The following KCNQ1 variants were observed in gnomAD, a reference collection of about 807,000 sequenced individuals.
KCNQ1 encodes potassium voltage-gated channel subfamily KQT member 1.
KCNQ1 carries 49 observed loss-of-function variants against 72.4 expected under a neutral mutation model. The observed-to-expected ratio is 0.68, with a 90% CI of 0.54 to 0.86. The LOEUF is 0.86. Among genes scored for constraint, KCNQ1 ranks in the 40% least tolerant of loss-of-function variants. The probability of loss-of-function intolerance (pLI) is 0.00; values close to 1 mark genes in which losing one functional copy is unlikely to be tolerated. For synonymous variants in KCNQ1, 450 were observed against 412.6 expected, an observed-to-expected ratio of 1.09 and a Z score of -1.10; for missense variants, 790 against 945.1, an observed-to-expected ratio of 0.84 and a Z score of 2.15.
chr11:2,688,544 G>A, intron 11 of KCNQ1: 1 of 398,746 alleles, frequency 2.5e-6, no homozygotes, highest in African/African-American at 2.1e-5. Flanking sequence ...TGGCCCTAGT[G>A]TCAAGGTTCC....
Position 2,447,776 on chromosome 11 carries a change from T to C in KCNQ1, c.386+2292T>C, listed in dbSNP as rs956717996. 7.2e-5 allele frequency among the ~76,000 whole-genome samples: 11 copies of C among 152,116 alleles called. No individual in the cohort carries two copies. The highest frequency in any genetic ancestry group is 1.5e-4 in the Non-Finnish European group (10 of 67,996). Reference sequence around the variant, plus strand: ...GGCCTGAAGACGACAAGCCTGGCCTTGAAGAGCCAGGGCCCAGGCATGTGT... The same window carrying C: ...GGCCTGAAGACGACAAGCCTGGCCTCGAAGAGCCAGGGCCCAGGCATGTGT... On this transcript the variant is annotated intron_variant, in intron 1 of 15. Coordinates refer to ENST00000155840, the MANE Select transcript of KCNQ1 (RefSeq NM_000218.3). The surrounding 1 kb of genome is among the most constrained non-coding windows in gnomAD (Gnocchi z 7.6).
chr11:2,627,122 C>G lies in KCNQ1; in HGVS notation c.1394-34839C>G, dbSNP rs371328795. ...GCATTGTTTTGTAATTTTCATTGTA[C>G]AAGACTTTCACCTCCTTGGTAAAGT... On this transcript the variant is annotated intron_variant, in intron 10 of 15. Transcript: ENST00000155840. This position sits in a 1 kb window ranked among gnomAD's most constrained non-coding sequence, Gnocchi z 4.9. 2.5e-6 allele frequency: 1 copy of G among 398,418 alleles called. No individual in the cohort carries two copies. Among genetic ancestry groups the G allele is most frequent in the East Asian group, 3.6e-5 (1 of 28,052 alleles). 24.7% of individuals were successfully genotyped at this position (398,418 alleles called of 1,614,324 possible).
At chr11:2,533,050 C>A (rs1457743745) in intron 2 of KCNQ1, among the ~76,000 whole-genome samples, 1 of 152,188 alleles carries the variant, frequency 6.6e-6, no homozygotes, top group Non-Finnish European at 1.5e-5. Context: ...CTTGGGGAAC[C>A]CAGGAGGGGC....
rs1176233326 is a variant in KCNQ1 at position 2,526,423 on chromosome 11, G to C, written c.387-1505G>C. On this transcript the variant is annotated intron_variant, in intron 1 of 15. Transcript: ENST00000155840. The surrounding 1 kb of genome is among the most constrained non-coding windows in gnomAD (Gnocchi z 6.1). ...GGTTTTGGCCCCAGTCCCAGCAGCG[G>C]GACTATGGCTGTGGGGAGGGAGGAA... Among the ~76,000 whole-genome samples, 1 of 152,146 alleles carries C rather than the reference G, an allele frequency of 6.6e-6. No individual in the cohort carries two copies. The highest frequency in any genetic ancestry group is 1.5e-5 in the Non-Finnish European group (1 of 68,016).
chr11:2,581,871 G>A (rs1418824420), intron 6 of KCNQ1, among the ~76,000 whole-genome samples: 1 of 152,332 alleles, frequency 6.6e-6, no homozygotes, highest in South Asian at 2.1e-4. Flanking sequence ...TTGTGTGTGT[G>A]GCAGGGGCAT....
At chr11:2,561,724 G>T (rs1357807471) in intron 2 of KCNQ1, among the ~76,000 whole-genome samples, 1 of 152,208 alleles carries the variant, frequency 6.6e-6, no homozygotes. Flanking sequence ...CTCTCAGGGG[G>T]CCTGGCCAAG....
At chr11:2,570,810 C>G (rs1003233938) in intron 3 of KCNQ1, 56 bp downstream of exon 3, 7 of 1,601,196 alleles carry the variant, frequency 4.4e-6, no homozygotes, top group Non-Finnish European at 5.9e-6. Context: ...CAGGAAGGAC[C>G]CCCACCTCAT....
intron 11 of KCNQ1, among the ~76,000 whole-genome samples, chr11:2,717,876 A>G (rs1399918804): frequency 1.3e-5 from 2 of 152,158 alleles, no homozygotes; most frequent in Non-Finnish European, 2.9e-5. Flanking sequence ...CACTCGCCCC[A>G]GGGCCTCCAG....
At position 2,748,347 on chromosome 11, in the gene KCNQ1, C is replaced by T. The variant is rs980983916; in HGVS notation, c.1515-20497C>T. 6.6e-6 allele frequency among the ~76,000 whole-genome samples: 1 copy of T among 152,208 alleles called. No individual in the cohort carries two copies. Among genetic ancestry groups the T allele is most frequent in the Non-Finnish European group, 1.5e-5 (1 of 68,036 alleles). ...CCCAGAGTGAATCCCAGAGGTGTGC[C>T]TGCCCCACCTGTCCCAGTAAGGGTG... On this transcript the variant is annotated intron_variant, in intron 11 of 15. Transcript: ENST00000155840. The surrounding 1 kb of genome is among the most constrained non-coding windows in gnomAD (Gnocchi z 6.2).
In KCNQ1 at chr11:2,647,781, T is replaced by C; in HGVS notation, c.1394-14180T>C. 1 of 398,564 alleles carries C rather than the reference T, an allele frequency of 2.5e-6. No individual in the cohort carries two copies. The allele number at this position is 398,564 out of a possible 1,614,324, so 24.7% of individuals were successfully genotyped here. On this transcript the variant is annotated intron_variant, in intron 10 of 15. Transcript: ENST00000155840. This position sits in a 1 kb window ranked among gnomAD's most constrained non-coding sequence, Gnocchi z 4.0. Reference sequence around the variant, plus strand: ...TCTAGGTTTTCTAATTGTTGACATATAGTTGTTCATAATGGTCTCTAATAA... The same window carrying C: ...TCTAGGTTTTCTAATTGTTGACATACAGTTGTTCATAATGGTCTCTAATAA...
chr11:2,465,536 G>A (rs1270863741), intron 1 of KCNQ1, among the ~76,000 whole-genome samples: 1 of 152,248 alleles, frequency 6.6e-6, no homozygotes, highest in Non-Finnish European at 1.5e-5. Context: ...CACTTGCCCA[G>A]GGTCACACAG....
chr11:2,738,636 C>T lies in KCNQ1; in HGVS notation c.1515-30208C>T, dbSNP rs576454474. Among the ~76,000 whole-genome samples, 131 of 152,292 alleles carry T rather than the reference C, an allele frequency of 8.6e-4. 1 individual carries two copies. Among genetic ancestry groups the T allele is most frequent in the Admixed American group, 5.2e-3 (79 of 15,300 alleles). On this transcript the variant is annotated intron_variant, in intron 11 of 15. Coordinates refer to ENST00000155840, the MANE Select transcript of KCNQ1 (RefSeq NM_000218.3). The stretch of plus-strand genomic sequence containing the variant: ...CCCCGAGTCACCAGGAGATGCAGGG[C>T]TTAGCCTGGAGAGGGGCCTGTGCGG...
intron 10 of KCNQ1, chr11:2,632,182 C>CAAAAA (rs34998500): frequency 9.6e-5 from 30 of 312,218 alleles, no homozygotes; most frequent in Middle Eastern, 1.5e-3. Context: ...GACTCTGCCT[C>CAAAAA]AAAAAAAAAA....
intron 10 of KCNQ1, chr11:2,610,484 G>A (rs1848962307): frequency 5.0e-6 from 2 of 398,122 alleles, no homozygotes; most frequent in Admixed American, 8.8e-5. Context: ...GTTACCAACT[G>A]GTGGTATTTC....
At chr11:2,796,386 A>T (rs1590093643) in intron 15 of KCNQ1, among the ~76,000 whole-genome samples, 2 of 152,308 alleles carry the variant, frequency 1.3e-5, no homozygotes, top group Admixed American at 1.3e-4. Context: ...GACCCTGGGC[A>T]TTGATGGCAG....
Position 2,722,302 on chromosome 11 carries a change from G to C in KCNQ1, c.1515-46542G>C, listed in dbSNP as rs552289352. ...GATAGGAAAGGACTATGGGAGGCCAGGGCGGGCCTCGGGTGCATGCCTCTC... is the reference window on the plus strand; with the variant it reads ...GATAGGAAAGGACTATGGGAGGCCACGGCGGGCCTCGGGTGCATGCCTCTC... On this transcript the variant is annotated intron_variant, in intron 11 of 15. Coordinates refer to ENST00000155840, the MANE Select transcript of KCNQ1 (RefSeq NM_000218.3). Among the ~76,000 whole-genome samples the C allele has an allele frequency of 7.4e-4, 113 of 152,192 alleles. 1 individual carries two copies. Among genetic ancestry groups the C allele is most frequent in the Non-Finnish European group, 1.3e-3 (88 of 68,044 alleles).
intron 1 of KCNQ1, among the ~76,000 whole-genome samples, chr11:2,455,719 C>T (rs377707520): frequency 1.3e-5 from 2 of 152,146 alleles, no homozygotes; most frequent in African/African-American, 4.8e-5. Flanking sequence ...ACTATTCTAA[C>T]ATTCATGTAG....
chr11:2,666,005 A>G, intron 11 of KCNQ1: 1 of 398,568 alleles, frequency 2.5e-6, no homozygotes. Context: ...TGGAATTCAC[A>G]CGTCTGCCCC....
chr11:2,559,726 G>A lies in KCNQ1; in HGVS notation c.478-10902G>A, dbSNP rs1186962281. Among the ~76,000 whole-genome samples the A allele has an allele frequency of 1.3e-5, 2 of 152,138 alleles. No homozygotes were observed. Among genetic ancestry groups the A allele is most frequent in the African/African-American group, 4.8e-5 (2 of 41,424 alleles). ...CCAGAGTCACCCCGAAATCATTAACGGGGAGACAAGCACACAGAGCAGCTG... is the reference window on the plus strand; with the variant it reads ...CCAGAGTCACCCCGAAATCATTAACAGGGAGACAAGCACACAGAGCAGCTG... On this transcript the variant is annotated intron_variant, in intron 2 of 15. Coordinates refer to ENST00000155840, the MANE Select transcript of KCNQ1 (RefSeq NM_000218.3). This position sits in a 1 kb window ranked among gnomAD's most constrained non-coding sequence, Gnocchi z 4.9.
Sources: allele counts gnomAD v4.1 joint callset (sites outside exome capture counted in the v4.1 genomes callset), GRCh38; gene constraint gnomAD v4.1.1; non-coding constraint Gnocchi (gnomAD v3.1); transcripts MANE v1.5; gene names NCBI Gene and HGNC (gene_info 2026-07-23, HGNC 2026-07-21).